Variants in ABI3BP observed in about 807,000 individuals in gnomAD.
The protein encoded by ABI3BP is ABI family member 3 binding protein.
ABI3BP carries 216 observed loss-of-function variants against 268.6 expected under a neutral mutation model. The ratio of observed to expected loss-of-function variants is 0.80; its 90% CI spans 0.72 to 0.90. The LOEUF (loss-of-function observed/expected upper bound fraction) is 0.90, where lower values mean the gene tolerates loss of function less well. ABI3BP is among the 40% of genes least tolerant of loss of function. The pLI, the probability that ABI3BP is intolerant of heterozygous loss-of-function variation, is 0.00. For missense variants in ABI3BP, 2,090 were observed against 2,182.4 expected (o/e 0.96, Z 0.84); for synonymous variants, 730 against 730.0 (o/e 1.00, Z 0.00).
intron 51 of ABI3BP, 46 bp from the exon 52 acceptor site, chr3:100,796,514 A>C (rs1296012283): frequency 4.2e-6 from 6 of 1,430,650 alleles, no homozygotes; most frequent in Non-Finnish European, 5.8e-6. Flanking sequence ...AAATAACCCA[A>C]CTGGAGTGAG....
chr3:100,846,710 C>T (rs2098773258), intron 19 of ABI3BP, among the ~76,000 whole-genome samples: 1 of 152,090 alleles, frequency 6.6e-6, no homozygotes. Flanking sequence ...GTCACAGTAA[C>T]TACTCAAAGT....
At chr3:100,870,814 G>A (rs887970769) in intron 9 of ABI3BP, among the ~76,000 whole-genome samples, 2 of 152,136 alleles carry the variant, frequency 1.3e-5, no homozygotes, top group Admixed American at 6.6e-5. Flanking sequence ...ATTGATGAAT[G>A]TATAAAGAAA....
chr3:100,756,665 T>C (rs2095634687), intron 63 of ABI3BP, among the ~76,000 whole-genome samples: 1 of 152,202 alleles, frequency 6.6e-6, no homozygotes, highest in Non-Finnish European at 1.5e-5. Context: ...CCAAAAGCCC[T>C]GTGCTTTGGC....
At chr3:100,813,898 T>C (rs2097925589) in intron 44 of ABI3BP, among the ~76,000 whole-genome samples, 163 bp from the exon 45 acceptor site, 1 of 152,120 alleles carries the variant, frequency 6.6e-6, no homozygotes, top group South Asian at 2.1e-4. Flanking sequence ...CAGCAAACTA[T>C]AGCCCTTCCA....
rs184438909 is a variant in ABI3BP, at chr3:100,756,069, A to G, written c.4851-1378T>C. Among the ~76,000 whole-genome samples, 29 of 152,358 alleles carry G rather than the reference A, an allele frequency of 1.9e-4. No individual in the cohort carries two copies. The East Asian group carries it at 5.4e-3, about 28-fold the overall frequency. ...AGATTCTAGTGCTACAACAATGGCA[A>G]CCATTTTCTGAATGCTTACTATGTA... On this transcript the variant is annotated intron_variant, in intron 63 of 67. Transcript: ENST00000471714.
chr3:100,956,843 A>G (rs935424563), intron 1 of ABI3BP, among the ~76,000 whole-genome samples: 4 of 152,182 alleles, frequency 2.6e-5, no homozygotes, highest in African/African-American at 9.7e-5. Flanking sequence ...GGCTGAAGGA[A>G]TACCCAGTGC....
intron 4 of ABI3BP, among the ~76,000 whole-genome samples, chr3:100,894,819 G>T (rs555387501): frequency 2.6e-5 from 4 of 151,332 alleles, no homozygotes; most frequent in Admixed American, 2.6e-4. Flanking sequence ...GGTGCCTGTA[G>T]TCCCAGCTAC....
intron 1 of ABI3BP, among the ~76,000 whole-genome samples, chr3:100,970,963 A>G (rs759957837): frequency 1.3e-5 from 2 of 152,186 alleles, no homozygotes; most frequent in Non-Finnish European, 2.9e-5. Flanking sequence ...ATCCTAATCA[A>G]AACTGAGTTA....
intron 38 of ABI3BP, among the ~76,000 whole-genome samples, chr3:100,821,394 G>A (rs1201224061): frequency 2.0e-5 from 3 of 152,010 alleles, no homozygotes; most frequent in African/African-American, 7.3e-5. Flanking sequence ...GGAAAGAGAC[G>A]GAGGCCTTAG....
Position 100,903,880 on chromosome 3 carries a change from C to T in ABI3BP, c.260-1194G>A, listed in dbSNP as rs71315213. On this transcript the variant is annotated intron_variant, in intron 2 of 67. Transcript: ENST00000471714. ...CTGATGAACTCACCTCAGAGCTTTG[C>T]CTCATCATTGTACAGTTGCCTCCTG... is the stretch of plus-strand genomic sequence containing the variant. Among the ~76,000 whole-genome samples, 419 of 152,266 alleles carry T rather than the reference C, an allele frequency of 2.8e-3. 2 individuals carry two copies. The highest frequency in any genetic ancestry group is 4.5e-3 in the Non-Finnish European group (308 of 68,016).
chr3:100,845,843 GC>G (rs1217836022), intron 20 of ABI3BP, among the ~76,000 whole-genome samples: 2 of 132,610 alleles, frequency 1.5e-5, no homozygotes, highest in East Asian at 2.0e-4. Context: ...TGCAAAAGCA[GC>G]CTTTTTTTTT....
chr3:100,817,305 T>C, intron 42 of ABI3BP, 131 bp downstream of exon 42: 1 of 612,368 alleles, frequency 1.6e-6, no homozygotes, highest in East Asian at 2.9e-5. Flanking sequence ...TGAAGGACAA[T>C]ATAAAGTTGA....
At chr3:100,971,934 T>G (rs2083787914) in intron 1 of ABI3BP, among the ~76,000 whole-genome samples, 1 of 152,126 alleles carries the variant, frequency 6.6e-6, no homozygotes, top group African/African-American at 2.4e-5. Flanking sequence ...CCAATCAACA[T>G]GCAGTTTCTC....
Position 100,840,086 on chromosome 3 carries a change from G to T in ABI3BP, c.1883C>A (p.Pro628His), listed in dbSNP as rs1362781041. 6.5e-7 allele frequency: 1 copy of T among 1,531,342 alleles called. No individual in the cohort carries two copies. Among genetic ancestry groups the T allele is most frequent in the Non-Finnish European group, 8.7e-7 (1 of 1,144,734 alleles). 94.9% of individuals were successfully genotyped at this position (1,531,342 alleles called of 1,614,324 possible). Residue 628 changes from proline (P) to histidine (H), a missense_variant, in exon 23 of 68, where the codon CCC becomes CAC. Pro to His is a moderately conservative substitution (Grantham distance 77). Coordinates refer to ENST00000471714, the MANE Select transcript of ABI3BP (RefSeq NM_001375547.2). ...RPKTTPSPEV[P>H]KSKPALEPAT... Reference sequence around the variant, plus strand: ...ATCACATTTACCGGGTTTGGACTTGGGCACTTCTGGACTAGGTGTGGTTTT... The same window carrying T: ...ATCACATTTACCGGGTTTGGACTTGTGCACTTCTGGACTAGGTGTGGTTTT...
chr3:100,802,882 A>C (rs941662744), intron 51 of ABI3BP, among the ~76,000 whole-genome samples: 4 of 119,210 alleles, frequency 3.4e-5, no homozygotes, highest in African/African-American at 1.0e-4. Flanking sequence ...AGTATAACCC[A>C]CAGGACCTGG....
intron 59 of ABI3BP, among the ~76,000 whole-genome samples, chr3:100,778,045 G>T (rs115690348): frequency 7.2e-4 from 109 of 152,302 alleles, no homozygotes; most frequent in African/African-American, 2.4e-3. Flanking sequence ...TAGGCTCCAA[G>T]CACTCAGACA....
intron 19 of ABI3BP, among the ~76,000 whole-genome samples, chr3:100,846,934 C>T (rs1336107735): frequency 1.3e-5 from 2 of 152,116 alleles, no homozygotes; most frequent in Non-Finnish European, 2.9e-5. Flanking sequence ...CAACCCCTCA[C>T]CTAGGTATTA....
At chr3:100,812,343 C>T in intron 46 of ABI3BP, 124 bp downstream of exon 46, 1 of 525,460 alleles carries the variant, frequency 1.9e-6, no homozygotes, top group Admixed American at 4.1e-5. Flanking sequence ...ACTGGATGAG[C>T]ACAGACAAGC....
At chr3:100,792,848 G>A (rs891499294) in intron 54 of ABI3BP, 80 bp from the exon 55 acceptor site, 16 of 1,174,044 alleles carry the variant, frequency 1.4e-5, no homozygotes, top group Non-Finnish European at 1.9e-5. Flanking sequence ...ACTCTTTTCT[G>A]TCCCATGCAA....
Sources: allele counts gnomAD v4.1 joint callset (sites outside exome capture counted in the v4.1 genomes callset), GRCh38; gene constraint gnomAD v4.1.1; transcripts MANE v1.5; gene names NCBI Gene and HGNC (gene_info 2026-07-23, HGNC 2026-07-21).